Variants in CAAP1 observed in about 807,000 individuals in gnomAD.
CAAP1 encodes conserved anti-apoptotic protein.
CAAP1 carries 20 observed loss-of-function variants against 34.0 expected under a neutral mutation model. The observed-to-expected ratio is 0.59, with a 90% CI of 0.41 to 0.86. The LOEUF is 0.86. Ranked by LOEUF, CAAP1 falls within the 40% of genes least tolerant of loss-of-function variation. CAAP1 has a pLI of 0.00. For synonymous variants in CAAP1, 213 were observed against 166.7 expected (o/e 1.28, Z -2.14); for missense variants, 538 against 450.5 (o/e 1.19, Z -1.76).
chr9:26,884,938 T>C, intron 3 of CAAP1, 53 bp from the exon 4 acceptor site: 1 of 1,280,092 alleles, frequency 7.8e-7, no homozygotes. Context: ...ATTAAAATGA[T>C]GCAATCATGA....
intron 4 of CAAP1, among the ~76,000 whole-genome samples, chr9:26,864,731 ACT>A (rs1563884832): frequency 6.6e-6 from 1 of 152,154 alleles, no homozygotes; most frequent in Non-Finnish European, 1.5e-5. Context: ...TCCCCATATT[ACT>A]GTTTTAATGT....
In CAAP1 at chr9:26,869,909, G is replaced by T; in HGVS notation, c.666-8770C>A. 5.1e-6 allele frequency: 5 copies of T among 978,192 alleles called. No individual in the cohort carries two copies. The South Asian group carries it at 2.4e-4, about 46-fold the overall frequency. 60.6% of individuals were successfully genotyped at this position (978,192 alleles called of 1,614,324 possible). ...TTAAAAAGGTGATAGAGAAAGAGTAGAAAAAAGGAAAAATACCTGCTAATC... is the reference window on the plus strand; with the variant it reads ...TTAAAAAGGTGATAGAGAAAGAGTATAAAAAAGGAAAAATACCTGCTAATC... On this transcript the variant is annotated intron_variant, in intron 4 of 5. Coordinates refer to ENST00000333916, the MANE Select transcript of CAAP1 (RefSeq NM_024828.4).
At chr9:26,877,852 T>C (rs1488257440) in intron 4 of CAAP1, among the ~76,000 whole-genome samples, 2 of 151,772 alleles carry the variant, frequency 1.3e-5, no homozygotes, top group African/African-American at 2.4e-5. Context: ...TTTGTTATAT[T>C]TTCCTATATT....
At chr9:26,857,331 G>T (rs929616791) in intron 5 of CAAP1, among the ~76,000 whole-genome samples, 1 of 152,204 alleles carries the variant, frequency 6.6e-6, no homozygotes, top group Admixed American at 6.5e-5. Flanking sequence ...TGAAATGAAT[G>T]ATTTAAGAAA....
chr9:26,861,248 T>C lies in CAAP1; in HGVS notation c.666-109A>G, dbSNP rs1228230507. 6.9e-6 allele frequency: 5 copies of C among 720,448 alleles called. No individual in the cohort carries two copies. The Admixed American group carries it at 9.2e-5, about 13-fold the overall frequency. 44.6% of individuals were successfully genotyped at this position (720,448 alleles called of 1,614,324 possible). A position where few individuals can be genotyped will look rare whatever the true frequency, so the allele number is the denominator to read the frequency against. On this transcript the variant is annotated intron_variant, in intron 4 of 5. Coordinates refer to ENST00000333916, the MANE Select transcript of CAAP1 (RefSeq NM_024828.4). ...GCACTAGGGAAGACAGGCTACATTCTTCTAAGCTCCCAGGGTATCATTCAG... is the reference window on the plus strand; with the variant it reads ...GCACTAGGGAAGACAGGCTACATTCCTCTAAGCTCCCAGGGTATCATTCAG...
Position 26,847,198 on chromosome 9 carries a change from A to ATATT in CAAP1, c.740-4552_740-4551insAATA, listed in dbSNP as rs1554649570. On this transcript the variant is annotated intron_variant, in intron 5 of 5. Transcript: ENST00000333916. Reference sequence around the variant, plus strand: ...TTTTTACTAGTAAGTAAAAAGCAATATTTTTTTTTTTTTTTTTTTTTTTTT... The same window carrying ATATT: ...TTTTTACTAGTAAGTAAAAAGCAATATATTTTTTTTTTTTTTTTTTTTTTTTTTT... 4.6e-4 allele frequency among the ~76,000 whole-genome samples: 16 copies of ATATT among 34,754 alleles called. 1 individual carries two copies. The highest frequency in any genetic ancestry group is 1.6e-3 in the African/African-American group (14 of 8,538). 22.8% of individuals were successfully genotyped at this position (34,754 alleles called of 152,430 possible).
intron 5 of CAAP1, among the ~76,000 whole-genome samples, chr9:26,853,847 T>C (rs550447894): frequency 2.0e-5 from 3 of 152,174 alleles, no homozygotes; most frequent in Non-Finnish European, 2.9e-5. Context: ...AAAAATTTAT[T>C]TACATATCTG....
chr9:26,854,553 A>C (rs1427520763), intron 5 of CAAP1, among the ~76,000 whole-genome samples: 1 of 152,222 alleles, frequency 6.6e-6, no homozygotes, highest in Non-Finnish European at 1.5e-5. Context: ...TAAACATAGT[A>C]TGTACCAAAC....
intron 2 of CAAP1, 23 bp downstream of exon 2, chr9:26,887,290 T>C (rs1248651986): frequency 1.4e-6 from 2 of 1,433,512 alleles, no homozygotes; most frequent in African/African-American, 2.9e-5. Context: ...CATATGTATC[T>C]AGTCTGATGT....
At chr9:26,877,836 C>G (rs1385677267) in intron 4 of CAAP1, among the ~76,000 whole-genome samples, 1 of 151,610 alleles carries the variant, frequency 6.6e-6, no homozygotes, top group Non-Finnish European at 1.5e-5. Flanking sequence ...ACATATATTT[C>G]CTATATTTGT....
chr9:26,887,348 T>C lies in CAAP1; in HGVS notation c.469A>G (p.Lys157Glu), dbSNP rs774429894. 53 of 1,606,950 alleles carry C rather than the reference T, an allele frequency of 3.3e-5. No individual in the cohort carries two copies. The highest frequency in any genetic ancestry group is 4.3e-5 in the Non-Finnish European group (51 of 1,176,426). ...LQQCFCIIGE[K>E]KLQKMLPDVL... ...TCAGGAAGCATCTTCTGTAACTTTT[T>C]CTCTCCTATAATACAGAAGCACTGC... The change falls in exon 2 of 6, where the codon AAA becomes GAA. Residue 157 changes from lysine to glutamate, a missense_variant. Transcript: ENST00000333916.
At chr9:26,892,382 C>G in intron 1 of CAAP1, 31 bp downstream of exon 1, 2 of 1,601,336 alleles carry the variant, frequency 1.2e-6, no homozygotes, top group Non-Finnish European at 1.7e-6. Context: ...AGCAGCAGCT[C>G]CAGGAAGCGG....
At chr9:26,854,625 C>T (rs926826559) in intron 5 of CAAP1, among the ~76,000 whole-genome samples, 1 of 152,128 alleles carries the variant, frequency 6.6e-6, no homozygotes, top group African/African-American at 2.4e-5. Flanking sequence ...AGACAAGTTA[C>T]AGATTCACAG....
chr9:26,849,109 G>C lies in CAAP1; in HGVS notation c.740-6462C>G, dbSNP rs185589299. 1.7e-3 allele frequency among the ~76,000 whole-genome samples: 258 copies of C among 152,316 alleles called. 1 individual carries two copies. Among genetic ancestry groups the C allele is most frequent in the African/African-American group, 5.7e-3 (238 of 41,576 alleles). ...ATAGCAGGAAAACAAGAGAAATAGT[G>C]AAAGTATACAGGCTAGACGACAGTG... On this transcript the variant is annotated intron_variant, in intron 5 of 5. Coordinates refer to ENST00000333916, the MANE Select transcript of CAAP1 (RefSeq NM_024828.4).
chr9:26,846,276 G>T (rs1333083463), intron 5 of CAAP1, among the ~76,000 whole-genome samples: 2 of 151,888 alleles, frequency 1.3e-5, no homozygotes, highest in Non-Finnish European at 2.9e-5. Flanking sequence ...AATTAGCCGA[G>T]CGTGGTGGCG....
chr9:26,884,975 GATGCAGATTAAAGAACTTTATACTGGGTC>G, intron 3 of CAAP1, 90 bp from the exon 4 acceptor site: 1 of 966,976 alleles, frequency 1.0e-6, no homozygotes, highest in Non-Finnish European at 1.6e-6. Context: ...CTTTAAAAGT[GATGCAGATTAAAGAACTTTATACTGGGTC>G]AAAACTTAAA....
At chr9:26,858,996 CAAAAAAAAAAAA>C (rs397790530) in intron 5 of CAAP1, among the ~76,000 whole-genome samples, 1 of 65,536 alleles carries the variant, frequency 1.5e-5, no homozygotes, top group Non-Finnish European at 3.3e-5. Flanking sequence ...GAGACTGTCT[CAAAAAAAAAAAA>C]AAAAAAAAGG....
At chr9:26,886,659 T>TA (rs1392708535) in intron 2 of CAAP1, among the ~76,000 whole-genome samples, 3 of 152,254 alleles carry the variant, frequency 2.0e-5, no homozygotes, top group Non-Finnish European at 2.9e-5. Context: ...TAAGCTATTA[T>TA]TAACCATTGC....
chr9:26,886,065 A>C (rs1460290187), intron 3 of CAAP1, 39 bp downstream of exon 3: 1 of 1,026,866 alleles, frequency 9.7e-7, no homozygotes, highest in African/African-American at 1.6e-5. Flanking sequence ...TATAGTATTA[A>C]CTAAGAAGTT....
Sources: gnomAD v4.1 joint callset for allele counts (sites outside exome capture counted in the v4.1 genomes callset) on GRCh38, gnomAD v4.1.1 for gene constraint, MANE v1.5 for transcripts, NCBI Gene and HGNC (gene_info 2026-07-23, HGNC 2026-07-21) for gene names.